MYRIP: variants seen among roughly 807,000 people sequenced by gnomAD.
MYRIP encodes the protein rab effector MyRIP.
In MYRIP, 49 loss-of-function variants were observed where a neutral mutation model predicts 98.0. The ratio of observed to expected loss-of-function variants is 0.50; its 90% CI spans 0.40 to 0.63. The LOEUF (loss-of-function observed/expected upper bound fraction) is 0.63, where lower values mean the gene tolerates loss of function less well. Ranked by LOEUF, MYRIP falls within the 30% of genes least tolerant of loss-of-function variation. The probability of loss-of-function intolerance (pLI) is 0.00; values close to 1 mark genes in which losing one functional copy is unlikely to be tolerated. For missense variants in MYRIP, 1,004 were observed against 1,058.2 expected (o/e 0.95, Z 0.71); for synonymous variants, 404 against 409.5 (o/e 0.99, Z 0.16).
intron 1 of MYRIP, among the ~76,000 whole-genome samples, chr3:39,885,705 C>A (rs1316249998): frequency 6.6e-6 from 1 of 151,928 alleles, no homozygotes; most frequent in African/African-American, 2.4e-5. Flanking sequence ...TCTTTTTATT[C>A]TTTTTTCTCT....
chr3:39,927,440 C>A (rs1271018270), intron 2 of MYRIP, among the ~76,000 whole-genome samples: 1 of 151,852 alleles, frequency 6.6e-6, no homozygotes, highest in Non-Finnish European at 1.5e-5. Flanking sequence ...TTTTTCTCTT[C>A]AGTTGATGTT....
intron 2 of MYRIP, among the ~76,000 whole-genome samples, chr3:39,988,676 T>G (rs1443110048): frequency 6.6e-6 from 1 of 152,046 alleles, no homozygotes; most frequent in Non-Finnish European, 1.5e-5. Context: ...TCTTTTTGCA[T>G]AGTCCCATAT....
At chr3:40,204,546 T>G (rs1951744254) in intron 10 of MYRIP, among the ~76,000 whole-genome samples, 1 of 151,948 alleles carries the variant, frequency 6.6e-6, no homozygotes, top group Non-Finnish European at 1.5e-5. Context: ...GCCTTAAACT[T>G]CTCCATTAGC....
chr3:40,113,502 A>G (rs1214113066), intron 3 of MYRIP, among the ~76,000 whole-genome samples: 1 of 152,158 alleles, frequency 6.6e-6, no homozygotes, highest in East Asian at 1.9e-4. Context: ...AAATGAAGTG[A>G]TGTCTCAGAG....
chr3:40,192,564 G>A (rs974283807), intron 10 of MYRIP, among the ~76,000 whole-genome samples: 4 of 151,818 alleles, frequency 2.6e-5, no homozygotes, highest in African/African-American at 9.7e-5. Context: ...ATATAGTTCA[G>A]TGAATGTGTT....
chr3:40,059,584 T>A (rs1947962197), intron 3 of MYRIP, among the ~76,000 whole-genome samples: 1 of 152,196 alleles, frequency 6.6e-6, no homozygotes, highest in Non-Finnish European at 1.5e-5. Flanking sequence ...ATGTCTTTCT[T>A]TGTTTCTTTG....
chr3:39,974,177 G>T (rs1018772115), intron 2 of MYRIP, among the ~76,000 whole-genome samples: 8 of 151,902 alleles, frequency 5.3e-5, no homozygotes, highest in Non-Finnish European at 7.4e-5. Context: ...GAAGATAAAA[G>T]AGAAGAATCA....
At chr3:40,176,921 A>G (rs190327667) in intron 8 of MYRIP, among the ~76,000 whole-genome samples, 34 of 145,318 alleles carry the variant, frequency 2.3e-4, no homozygotes, top group African/African-American at 3.2e-4. Flanking sequence ...AAAAAAAAAA[A>G]AAAAGAAAAG....
At chr3:39,909,270 G>A (rs896868021) in intron 2 of MYRIP, among the ~76,000 whole-genome samples, 20 of 152,182 alleles carry the variant, frequency 1.3e-4, no homozygotes, top group African/African-American at 4.6e-4. Context: ...TATCTCACAA[G>A]ATTATTTTTA....
chr3:39,921,326 C>G (rs1352885976), intron 2 of MYRIP, among the ~76,000 whole-genome samples: 1 of 152,140 alleles, frequency 6.6e-6, no homozygotes, highest in African/African-American at 2.4e-5. Context: ...TGACAGTAGG[C>G]CTTTTGCTAA....
At chr3:39,846,401 C>T (rs1382993277) in intron 1 of MYRIP, among the ~76,000 whole-genome samples, 1 of 152,214 alleles carries the variant, frequency 6.6e-6, no homozygotes, top group Non-Finnish European at 1.5e-5. Context: ...TCCCACCTTT[C>T]CTTTTCCCTA....
In MYRIP at chr3:39,974,654, A is replaced by C. The variant is rs4619729; in HGVS notation, c.111-69396A>C. On this transcript the variant is annotated intron_variant, in intron 2 of 16. Coordinates refer to ENST00000302541, the MANE Select transcript of MYRIP (RefSeq NM_015460.4). ...ACATCGATGCTAAAATCCTCAATAAAATACTGGCAAACCAAATCCAGCAGC... is the reference window on the plus strand; with the variant it reads ...ACATCGATGCTAAAATCCTCAATAACATACTGGCAAACCAAATCCAGCAGC... Among the ~76,000 whole-genome samples, 1,371 of 152,308 alleles carry C rather than the reference A, an allele frequency of 9.0e-3. 14 individuals are homozygous for C. Among genetic ancestry groups the C allele is most frequent in the African/African-American group, 0.032 (1,313 of 41,568 alleles).
chr3:40,182,188 A>G, intron 8 of MYRIP, 32 bp from the exon 9 acceptor site: 1 of 1,575,536 alleles, frequency 6.3e-7, no homozygotes, highest in Non-Finnish European at 8.6e-7. Context: ...GTACCTTATG[A>G]GCTCACCCCT....
At chr3:39,917,922 C>T (rs1363866134) in intron 2 of MYRIP, among the ~76,000 whole-genome samples, 1 of 144,622 alleles carries the variant, frequency 6.9e-6, no homozygotes, top group African/African-American at 2.5e-5. Context: ...TTACTGACTT[C>T]CATTCTTTTT....
At chr3:40,161,668 C>T (rs973436439) in intron 4 of MYRIP, among the ~76,000 whole-genome samples, 42 of 152,282 alleles carry the variant, frequency 2.8e-4, no homozygotes, top group African/African-American at 5.3e-4. Flanking sequence ...AACCCCTCCT[C>T]GACTGCATTT....
intron 2 of MYRIP, among the ~76,000 whole-genome samples, chr3:39,946,216 A>G (rs1281980709): frequency 6.6e-6 from 1 of 152,160 alleles, no homozygotes; most frequent in African/African-American, 2.4e-5. Context: ...AATTTAATAG[A>G]AAAGCAAAGT....
At position 39,837,491 on chromosome 3, in the gene MYRIP, G is replaced by T. The variant is rs945655679; in HGVS notation, c.-31+27575G>T. 2.0e-5 allele frequency among the ~76,000 whole-genome samples: 3 copies of T among 152,110 alleles called. No homozygotes were observed. The East Asian group carries it at 5.8e-4, about 29-fold the overall frequency. ...ATAGGGAATCCTTTCCCCATTGCTT[G>T]TTTTTATCAGGTTTGTCACAGATCA... On this transcript the variant is annotated intron_variant, in intron 1 of 16. Coordinates refer to ENST00000302541, the MANE Select transcript of MYRIP (RefSeq NM_015460.4).
chr3:39,941,307 A>G (rs1006208086), intron 2 of MYRIP, among the ~76,000 whole-genome samples: 6 of 152,046 alleles, frequency 3.9e-5, no homozygotes, highest in Non-Finnish European at 8.8e-5. Context: ...GAACTAATAG[A>G]GTAAAAATTC....
At chr3:39,878,107 C>A (rs983485286) in intron 1 of MYRIP, among the ~76,000 whole-genome samples, 11 of 152,294 alleles carry the variant, frequency 7.2e-5, no homozygotes, top group African/African-American at 2.6e-4. Flanking sequence ...GACTGCTGTG[C>A]TAGCAATCAG....
Sources: gnomAD v4.1 joint callset for allele counts (sites outside exome capture counted in the v4.1 genomes callset) on GRCh38, gnomAD v4.1.1 for gene constraint, MANE v1.5 for transcripts, NCBI Gene and HGNC (gene_info 2026-07-23, HGNC 2026-07-21) for gene names.